Variants in MDGA2 observed in about 807,000 individuals in gnomAD.
MDGA2 encodes the protein MAM domain-containing glycosylphosphatidylinositol anchor protein 2.
In MDGA2, 40 loss-of-function variants were observed where a neutral mutation model predicts 117.8. That is an observed-to-expected ratio of 0.34 (90% confidence interval 0.26 to 0.44). MDGA2 has a LOEUF of 0.44. Ranked by LOEUF, MDGA2 falls within the 20% of genes least tolerant of loss-of-function variation. The pLI, the probability that MDGA2 is intolerant of heterozygous loss-of-function variation, is 1.00. For missense variants in MDGA2, 1,123 were observed against 1,250.6 expected (o/e 0.90, Z 1.54); for synonymous variants, 452 against 439.0 (o/e 1.03, Z -0.37).
chr14:47,105,219 G>C (rs1481321362), intron 5 of MDGA2, among the ~76,000 whole-genome samples: 1 of 152,030 alleles, frequency 6.6e-6, no homozygotes, highest in Non-Finnish European at 1.5e-5. Context: ...CTTTCCTAGG[G>C]GGCAAGAAGC....
Position 46,941,649 on chromosome 14 carries a change from G to GA in MDGA2, c.2089+15724dup, listed in dbSNP as rs1290024205. Among the ~76,000 whole-genome samples the GA allele has an allele frequency of 5.3e-5, 8 of 152,160 alleles. No individual in the cohort carries two copies. In the East Asian group the frequency reaches 1.4e-3, roughly 26 times the overall value. ...TTTTATTACCATTCAATTTCTACCG[G>GA]AAAATCTAAATGTGCTAAGAGGTAA... On this transcript the variant is annotated intron_variant, in intron 9 of 16. Transcript: ENST00000399232.
chr14:47,362,215 T>C (rs1891141177), intron 1 of MDGA2, among the ~76,000 whole-genome samples: 1 of 152,188 alleles, frequency 6.6e-6, no homozygotes, highest in South Asian at 2.1e-4. Flanking sequence ...GACATCTTCA[T>C]GGATTTTGAA....
intron 1 of MDGA2, among the ~76,000 whole-genome samples, chr14:47,624,246 T>C (rs1041660164): frequency 4.6e-5 from 7 of 152,078 alleles, no homozygotes; most frequent in African/African-American, 1.4e-4. Flanking sequence ...TCACCTGAGG[T>C]CAGGAGTTCA....
rs17118793 is a variant in MDGA2, at chr14:47,495,711, T to C, written c.280+178806A>G. Reference sequence around the variant, plus strand: ...TATTGTTATGTCTAATGCTGTTGAATAACTATTCGAGTATTTCTCACAGTG... The same window carrying C: ...TATTGTTATGTCTAATGCTGTTGAACAACTATTCGAGTATTTCTCACAGTG... On this transcript the variant is annotated intron_variant, in intron 1 of 16. Coordinates refer to ENST00000399232, the MANE Select transcript of MDGA2 (RefSeq NM_001113498.3). Among the ~76,000 whole-genome samples the C allele has an allele frequency of 7.0e-3, 1,061 of 152,338 alleles. 18 individuals carry two copies. Among genetic ancestry groups the C allele is most frequent in the African/African-American group, 0.025 (1,019 of 41,582 alleles).
intron 9 of MDGA2, among the ~76,000 whole-genome samples, chr14:46,936,124 G>C (rs1449283431): frequency 6.6e-6 from 1 of 152,044 alleles, no homozygotes; most frequent in Non-Finnish European, 1.5e-5. Flanking sequence ...GGTCCACAAA[G>C]ACAAAGGTGC....
At chr14:46,898,746 A>T (rs1237911698) in intron 10 of MDGA2, among the ~76,000 whole-genome samples, 1 of 152,092 alleles carries the variant, frequency 6.6e-6, no homozygotes, top group Non-Finnish European at 1.5e-5. Flanking sequence ...AGACTACAAG[A>T]CTGGATAGGA....
At chr14:47,613,910 T>C (rs535732081) in intron 1 of MDGA2, among the ~76,000 whole-genome samples, 1 of 152,238 alleles carries the variant, frequency 6.6e-6, no homozygotes, top group East Asian at 1.9e-4. Flanking sequence ...TTTGGAGTTG[T>C]GTTAAATATG....
At chr14:46,875,694 A>T (rs1280426721) in intron 12 of MDGA2, among the ~76,000 whole-genome samples, 1 of 151,630 alleles carries the variant, frequency 6.6e-6, no homozygotes, top group Non-Finnish European at 1.5e-5. Flanking sequence ...TTTAGGTATG[A>T]CATGAAATTC....
Position 47,635,795 on chromosome 14 carries a change from A to G in MDGA2, c.280+38722T>C, listed in dbSNP as rs551048299. ...GGAACAATAATGCTGATTTGCTGTCAGGAAAATTATTCATGCCTTGTTATC... is the reference window on the plus strand; with the variant it reads ...GGAACAATAATGCTGATTTGCTGTCGGGAAAATTATTCATGCCTTGTTATC... On this transcript the variant is annotated intron_variant, in intron 1 of 16. Coordinates refer to ENST00000399232, the MANE Select transcript of MDGA2 (RefSeq NM_001113498.3). 1.1e-4 allele frequency among the ~76,000 whole-genome samples: 16 copies of G among 152,212 alleles called. 1 individual carries two copies. The South Asian group carries it at 3.3e-3, about 32-fold the overall frequency.
At chr14:47,394,195 T>C (rs1485545376) in intron 1 of MDGA2, among the ~76,000 whole-genome samples, 1 of 152,162 alleles carries the variant, frequency 6.6e-6, no homozygotes, top group African/African-American at 2.4e-5. Flanking sequence ...TTTTTATCTG[T>C]TCATTCATTT....
chr14:47,100,381 A>C (rs973091716), intron 5 of MDGA2, among the ~76,000 whole-genome samples: 20 of 152,198 alleles, frequency 1.3e-4, no homozygotes, highest in African/African-American at 4.8e-4. Context: ...AGAAAGATAA[A>C]GTTCATTTTA....
chr14:47,160,652 G>A (rs557492832), intron 3 of MDGA2, among the ~76,000 whole-genome samples: 120 of 152,254 alleles, frequency 7.9e-4, no homozygotes, highest in African/African-American at 2.6e-3. Flanking sequence ...ACCACAGAGC[G>A]AGACCTGTCT....
At chr14:47,307,014 T>C (rs1384564582) in intron 1 of MDGA2, among the ~76,000 whole-genome samples, 1 of 152,170 alleles carries the variant, frequency 6.6e-6, no homozygotes, top group Non-Finnish European at 1.5e-5. Context: ...CAAACTTTCT[T>C]CCCAGCTTTC....
chr14:47,597,883 C>A (rs76543091), intron 1 of MDGA2, among the ~76,000 whole-genome samples: 4 of 138,160 alleles, frequency 2.9e-5, no homozygotes, highest in African/African-American at 1.1e-4. Context: ...CACACACACA[C>A]AAAACACAGA....
rs577279612 is a variant in MDGA2 at position 47,408,828 on chromosome 14, T to C, written c.281-107278A>G. Among the ~76,000 whole-genome samples the C allele has an allele frequency of 1.6e-4, 25 of 152,258 alleles. No homozygotes were observed. In the South Asian group the frequency reaches 4.6e-3, roughly 28 times the overall value. ...TGCCTGCTTGAGGAGACTGGGCAGA[T>C]AGAGGATTAAATAGTATGGCCAGAT... On this transcript the variant is annotated intron_variant, in intron 1 of 16. Coordinates refer to ENST00000399232, the MANE Select transcript of MDGA2 (RefSeq NM_001113498.3).
chr14:46,850,960 G>C (rs1881033300), intron 15 of MDGA2, among the ~76,000 whole-genome samples: 1 of 151,862 alleles, frequency 6.6e-6, no homozygotes, highest in South Asian at 2.1e-4. Context: ...TAGAATGCCA[G>C]ATATGCTACA....
chr14:47,364,549 C>T (rs1891191801), intron 1 of MDGA2, among the ~76,000 whole-genome samples: 1 of 152,204 alleles, frequency 6.6e-6, no homozygotes, highest in Non-Finnish European at 1.5e-5. Flanking sequence ...CAGGCGTGAG[C>T]CACCGCGCCG....
chr14:46,935,760 A>G (rs1884755521), intron 9 of MDGA2, among the ~76,000 whole-genome samples: 1 of 152,136 alleles, frequency 6.6e-6, no homozygotes, highest in African/African-American at 2.4e-5. Flanking sequence ...ACTACCAGGT[A>G]TTCTATCTCC....
At chr14:47,508,259 T>C (rs1293126014) in intron 1 of MDGA2, among the ~76,000 whole-genome samples, 1 of 152,156 alleles carries the variant, frequency 6.6e-6, no homozygotes, top group Non-Finnish European at 1.5e-5. Flanking sequence ...TTTACTATAC[T>C]GGTCCTTTAT....
Sources: allele counts gnomAD v4.1 joint callset (sites outside exome capture counted in the v4.1 genomes callset), GRCh38; gene constraint gnomAD v4.1.1; transcripts MANE v1.5; gene names NCBI Gene and HGNC (gene_info 2026-07-23, HGNC 2026-07-21).